ANKRD18B: variants seen among roughly 807,000 people sequenced by gnomAD.
ANKRD18B encodes the protein ankyrin repeat domain-containing protein 18B.
A neutral mutation model predicts 111.8 loss-of-function variants in ANKRD18B; 75 were observed. The ratio of observed to expected loss-of-function variants is 0.67; its 90% CI spans 0.56 to 0.81. The LOEUF is 0.81. ANKRD18B is among the 40% of genes least tolerant of loss of function. The pLI is 0.00. For missense variants in ANKRD18B, 1,038 were observed against 1,225.5 expected (o/e 0.85, Z 2.28); for synonymous variants, 356 against 417.3 (o/e 0.85, Z 1.79).
At chr9:33,574,675 G>A (rs146320212), downstream of ANKRD18B, 1 of 152,612 alleles carries the variant, frequency 6.6e-6, no homozygotes. Context: ...TGAGGACCTG[G>A]GTGCACCTGT....
At position 33,566,522 on chromosome 9, in the gene ANKRD18B, A is replaced by G. The variant is rs745388699; in HGVS notation, c.2742+22A>G. On this transcript the variant is annotated intron_variant, in intron 15 of 18. Transcript: ENST00000684830. ...ACAGGTTAGTTTTTAAAATCAGGTA[A>G]GTTTATCTGTAATGGGCTTTCATTT... 7.5e-6 allele frequency: 12 copies of G among 1,597,704 alleles called. No individual in the cohort carries two copies. In the South Asian group the frequency reaches 1.4e-4, roughly 18 times the overall value.
In ANKRD18B at chr9:33,529,085, C is replaced by T; in HGVS notation, c.407C>T (p.Thr136Ile). ...NPNIKDIYGN[T>I]ALHYAVYNEG... The stretch of plus-strand genomic sequence containing the variant: ...AACATTAAGGATATCTACGGCAACA[C>T]TGCTCTCCATTATGCCGTGTATAAT... Residue 136 changes from threonine to isoleucine, a missense_variant, in exon 3 of 19, where the codon ACT becomes ATT. Thr to Ile is a moderately conservative substitution (Grantham distance 89). Transcript: ENST00000684830. The T allele has an allele frequency of 1.2e-6, 2 of 1,612,116 alleles. No individual in the cohort carries two copies. The highest frequency in any genetic ancestry group is 1.7e-6 in the Non-Finnish European group (2 of 1,179,864).
chr9:33,533,341 A>C (rs1241204663), intron 3 of ANKRD18B, 98 bp from the exon 4 acceptor site: 1 of 1,498,858 alleles, frequency 6.7e-7, no homozygotes, highest in Non-Finnish European at 8.9e-7. Flanking sequence ...TTCTGTCTAT[A>C]TTGCATGTTT....
intron 3 of ANKRD18B, among the ~76,000 whole-genome samples, chr9:33,532,585 C>T (rs1436363025): frequency 6.6e-6 from 1 of 152,142 alleles, no homozygotes; most frequent in East Asian, 1.9e-4. Flanking sequence ...TATCCTCTTG[C>T]ATTAGGAGAA....
chr9:33,555,642 A>G, intron 12 of ANKRD18B, 66 bp from the exon 13 acceptor site: 9 of 1,144,380 alleles, frequency 7.9e-6, no homozygotes, highest in Non-Finnish European at 1.0e-5. Context: ...TATGAGAAAT[A>G]ATATTTTTAA....
At chr9:33,531,727 T>C (rs1000932054) in intron 3 of ANKRD18B, among the ~76,000 whole-genome samples, 1 of 151,354 alleles carries the variant, frequency 6.6e-6, no homozygotes, top group Non-Finnish European at 1.5e-5. Context: ...TATTGGTTCA[T>C]AATATATAGT....
intron 11 of ANKRD18B, among the ~76,000 whole-genome samples, chr9:33,549,264 CAA>C (rs1042932835): frequency 6.6e-6 from 1 of 151,926 alleles, no homozygotes; most frequent in African/African-American, 2.4e-5. Context: ...TTTAGTAAAC[CAA>C]AAAAGTGTTT....
chr9:33,564,871 A>G (rs2118125232), intron 14 of ANKRD18B, among the ~76,000 whole-genome samples: 1 of 152,254 alleles, frequency 6.6e-6, no homozygotes, highest in Admixed American at 6.5e-5. Context: ...AGAAATATCT[A>G]ATCAGATCTT....
intron 14 of ANKRD18B, among the ~76,000 whole-genome samples, chr9:33,558,698 C>T (rs569075162): frequency 1.3e-4 from 20 of 152,038 alleles, no homozygotes; most frequent in Non-Finnish European, 2.4e-4. Flanking sequence ...TATATTTAAA[C>T]GTAAGGTAAT....
intron 14 of ANKRD18B, among the ~76,000 whole-genome samples, chr9:33,565,288 T>G (rs1828668536): frequency 6.6e-6 from 1 of 152,178 alleles, no homozygotes; most frequent in Non-Finnish European, 1.5e-5. Context: ...CAATGTATGT[T>G]CTTGGCACCT....
chr9:33,548,009 G>A lies in ANKRD18B; in HGVS notation c.1221G>A (p.Met407Ile). 1 of 1,507,104 alleles carries A rather than the reference G, an allele frequency of 6.6e-7. No homozygotes were observed. Among genetic ancestry groups the A allele is most frequent in the Non-Finnish European group, 8.8e-7 (1 of 1,130,750 alleles). The allele number at this position is 1,507,104 out of a possible 1,614,324, so 93.4% of individuals were successfully genotyped here. A position where few individuals can be genotyped will look rare whatever the true frequency, so the allele number is the denominator to read the frequency against. ...GNFMLKRDIA[M>I]LKEELYAIKN... is the part of the protein sequence containing the mutation. ...TTATGTTGAAGAGAGACATTGCCAT[G>A]CTCAAAGAGGAATTATATGCAATAA... Residue 407 changes from methionine (M) to isoleucine (I), a missense_variant, in exon 11 of 19, where the codon ATG becomes ATA. By Grantham distance (10) the Met-to-Ile change is conservative. Around this residue, in one of 4 missense-constraint regions of ANKRD18B, gnomAD observed 205 missense variants for 201.3 expected, o/e 1.02. Coordinates refer to ENST00000684830, the MANE Select transcript of ANKRD18B (RefSeq NM_001393611.1).
intron 15 of ANKRD18B, 181 bp from the exon 16 acceptor site, chr9:33,566,922 C>T (rs1418939186): frequency 1.1e-4 from 65 of 602,342 alleles, no homozygotes; most frequent in Non-Finnish European, 1.7e-4. Flanking sequence ...TTTTATAAAT[C>T]AGACAATTCT....
chr9:33,567,509 C>G (rs1828704842), intron 16 of ANKRD18B, among the ~76,000 whole-genome samples, 195 bp downstream of exon 16: 1 of 151,304 alleles, frequency 6.6e-6, no homozygotes, highest in Non-Finnish European at 1.5e-5. Flanking sequence ...TCTCTCTTCT[C>G]TTTTTTTGCT....
intron 10 of ANKRD18B, among the ~76,000 whole-genome samples, chr9:33,547,680 G>C (rs1253471200): frequency 1.0e-5 from 1 of 99,254 alleles, no homozygotes; most frequent in Non-Finnish European, 2.1e-5. Flanking sequence ...AAATTCTCTA[G>C]AGTGTGTGTG....
rs1828791740 is a variant in ANKRD18B, at chr9:33,572,308, C to A, written c.3224-8C>A. 5 of 1,604,502 alleles carry A rather than the reference C, an allele frequency of 3.1e-6. No homozygotes were observed. Among genetic ancestry groups the A allele is most frequent in the Non-Finnish European group, 4.3e-6 (5 of 1,173,504 alleles). On this transcript the variant is annotated splice_polypyrimidine_tract_variant and splice_region_variant and intron_variant, in intron 18 of 18. Coordinates refer to ENST00000684830, the MANE Select transcript of ANKRD18B (RefSeq NM_001393611.1). ...GTAAAGAACATAATCCTTTCTTTTTCTTTCCAGCTTTTGCTGCGTTGGGCC... is the reference window on the plus strand; with the variant it reads ...GTAAAGAACATAATCCTTTCTTTTTATTTCCAGCTTTTGCTGCGTTGGGCC...
Position 33,548,552 on chromosome 9 carries a change from A to T in ANKRD18B, c.1764A>T (p.Arg588=). 1 of 1,551,082 alleles carries T rather than the reference A, an allele frequency of 6.4e-7. No individual in the cohort carries two copies. The highest frequency in any genetic ancestry group is 8.7e-7 in the Non-Finnish European group (1 of 1,146,600). The change falls in exon 11 of 19, where the codon CGA becomes CGT. Residue 588 remains arginine, a synonymous_variant. Coordinates refer to ENST00000684830, the MANE Select transcript of ANKRD18B (RefSeq NM_001393611.1). ...VQLDLKQAQH[R]IKEMKQMHPN... is the part of the protein sequence containing the mutation. ...TGGACCTAAAGCAAGCGCAGCATCG[A>T]ATAAAGGAAATGAAGCAGATGCATC...
At chr9:33,562,804 T>C (rs1458153890) in intron 14 of ANKRD18B, among the ~76,000 whole-genome samples, 1 of 152,218 alleles carries the variant, frequency 6.6e-6, no homozygotes, top group Non-Finnish European at 1.5e-5. Flanking sequence ...CATAATTTTC[T>C]CCTTATTTCC....
intron 1 of ANKRD18B, among the ~76,000 whole-genome samples, chr9:33,526,329 A>C (rs1394946046): frequency 6.6e-6 from 1 of 152,204 alleles, no homozygotes; most frequent in Non-Finnish European, 1.5e-5. Flanking sequence ...TGGCCATTGA[A>C]GGTGGCAATA....
intron 1 of ANKRD18B, among the ~76,000 whole-genome samples, chr9:33,527,309 T>TTTG (rs1554646722): frequency 4.2e-5 from 6 of 144,572 alleles, no homozygotes; most frequent in East Asian, 2.1e-4. Context: ...ATGTTTCTTT[T>TTTG]TTTGTTTGTT....
Sources: allele counts gnomAD v4.1 joint callset (sites outside exome capture counted in the v4.1 genomes callset), GRCh38; gene constraint gnomAD v4.1.1; regional missense constraint gnomAD v4.1.1; transcripts MANE v1.5; gene names NCBI Gene and HGNC (gene_info 2026-07-23, HGNC 2026-07-21).